ANTXR2: variants seen among roughly 807,000 people sequenced by gnomAD.
ANTXR2 encodes the protein ANTXR cell adhesion molecule 2.
A neutral mutation model predicts 73.7 loss-of-function variants in ANTXR2; 44 were observed. The ratio of observed to expected loss-of-function variants is 0.60; its 90% CI spans 0.47 to 0.77. The LOEUF is 0.77. ANTXR2 is among the 30% of genes least tolerant of loss of function. ANTXR2 has a pLI of 0.00. For synonymous variants in ANTXR2, 217 were observed against 205.9 expected (o/e 1.05, Z -0.46); for missense variants, 604 against 592.5 (o/e 1.02, Z -0.20).
intron 3 of ANTXR2, among the ~76,000 whole-genome samples, chr4:80,068,649 A>G (rs1232164560): frequency 6.6e-6 from 1 of 152,090 alleles, no homozygotes; most frequent in African/African-American, 2.4e-5. Context: ...GCATGTGCCT[A>G]TAATCCCAGC....
chr4:80,040,975 T>C (rs777962414), intron 7 of ANTXR2, among the ~76,000 whole-genome samples: 2 of 152,132 alleles, frequency 1.3e-5, no homozygotes, highest in Non-Finnish European at 2.9e-5. Flanking sequence ...TAAGTACAAG[T>C]ATCAGTAGTC....
intron 12 of ANTXR2, among the ~76,000 whole-genome samples, chr4:79,985,103 C>T (rs1369891345): frequency 1.3e-5 from 2 of 151,912 alleles, no homozygotes; most frequent in African/African-American, 4.8e-5. Flanking sequence ...AATCCCAGCA[C>T]TTTGGGAAGC....
Position 79,977,653 on chromosome 4 carries a change from C to T in ANTXR2, c.1396G>A (p.Val466Ile), listed in dbSNP as rs1277873534. 4 of 1,581,928 alleles carry T rather than the reference C, an allele frequency of 2.5e-6. No individual in the cohort carries two copies. Among genetic ancestry groups the T allele is most frequent in the South Asian group, 1.2e-5 (1 of 86,138 alleles). The change falls in exon 16 of 17, where the codon GTT becomes ATT. Residue 466 changes from valine (V) to isoleucine (I), a missense_variant. Physicochemically the swap from Val to Ile is conservative, Grantham distance 29 (BLOSUM62 3). Transcript: ENST00000403729. ...CCTTCCTGAGGTCGCATCAAAGAAA[C>T]CCGGTCATACTGCCGCCTCAACAAA... is the stretch of plus-strand genomic sequence containing the variant. ...WALLRRQYDR[V>I]SLMRPQEGDE...
intron 12 of ANTXR2, among the ~76,000 whole-genome samples, chr4:79,999,115 C>T (rs1197942804): frequency 6.6e-6 from 1 of 151,990 alleles, no homozygotes; most frequent in East Asian, 1.9e-4. Context: ...TCTTCTATGG[C>T]AGGAGTTTTT....
chr4:79,907,708 G>A (rs937167917), intron 16 of ANTXR2, among the ~76,000 whole-genome samples: 7 of 151,902 alleles, frequency 4.6e-5, no homozygotes, highest in Admixed American at 2.0e-4. Flanking sequence ...AACAATTATG[G>A]AAATAGAATG....
chr4:79,948,465 A>T (rs1305663753), intron 16 of ANTXR2, among the ~76,000 whole-genome samples: 4 of 152,336 alleles, frequency 2.6e-5, no homozygotes, highest in Middle Eastern at 3.4e-3. Flanking sequence ...TAAGATACAC[A>T]GAAATTCAGA....
chr4:80,021,945 G>A (rs1184933408), intron 10 of ANTXR2, among the ~76,000 whole-genome samples: 1 of 152,080 alleles, frequency 6.6e-6, no homozygotes, highest in East Asian at 1.9e-4. Flanking sequence ...TTCTTACTAA[G>A]AACCAGACAC....
chr4:79,975,508 C>A (rs1298357410), intron 16 of ANTXR2, among the ~76,000 whole-genome samples: 1 of 152,080 alleles, frequency 6.6e-6, no homozygotes, highest in African/African-American at 2.4e-5. Flanking sequence ...AAATATAAAG[C>A]ATTAGCAAGA....
At chr4:80,021,618 T>C (rs10857135) in intron 10 of ANTXR2, among the ~76,000 whole-genome samples, 73,042 of 151,962 alleles carry the variant, frequency 0.48, 20,157 homozygotes, top group East Asian at 0.93. Flanking sequence ...CTTTTAATGC[T>C]TAAAAAAATG....
At chr4:79,913,994 T>C (rs1274646341) in intron 16 of ANTXR2, among the ~76,000 whole-genome samples, 1 of 152,222 alleles carries the variant, frequency 6.6e-6, no homozygotes, top group African/African-American at 2.4e-5. Flanking sequence ...TCTGTATATA[T>C]AGACTTGATT....
intron 16 of ANTXR2, among the ~76,000 whole-genome samples, chr4:79,912,103 A>G (rs920608145): frequency 2.0e-5 from 3 of 151,998 alleles, no homozygotes; most frequent in African/African-American, 4.8e-5. Flanking sequence ...AATCATTGTT[A>G]AATTTATTAA....
chr4:79,910,994 A>G (rs1487573152), intron 16 of ANTXR2, among the ~76,000 whole-genome samples: 1 of 152,010 alleles, frequency 6.6e-6, no homozygotes, highest in Non-Finnish European at 1.5e-5. Flanking sequence ...AAAACAAGGC[A>G]ATGCATCCCG....
chr4:80,014,471 C>T (rs567166623), intron 11 of ANTXR2, among the ~76,000 whole-genome samples: 1 of 152,130 alleles, frequency 6.6e-6, no homozygotes, highest in South Asian at 2.1e-4. Context: ...GAAGCTGAGG[C>T]ATGAGAATTG....
At chr4:80,051,631 C>T (rs1444282493) in intron 7 of ANTXR2, among the ~76,000 whole-genome samples, 1 of 151,504 alleles carries the variant, frequency 6.6e-6, no homozygotes, top group East Asian at 1.9e-4. Context: ...TGCATTTTCC[C>T]CAAAATTAAA....
rs532631726 is a variant in ANTXR2 at position 79,915,325 on chromosome 4, G to A, written c.1429-7858C>T. ...TCACTGTCTCATTTTCACCATGGCC[G>A]GTAATAGCAGCATTAACCAGAGCAA... On this transcript the variant is annotated intron_variant, in intron 16 of 16. Transcript: ENST00000403729. Among the ~76,000 whole-genome samples the A allele has an allele frequency of 7.4e-4, 113 of 152,164 alleles. 1 individual carries two copies. Among genetic ancestry groups the A allele is most frequent in the Admixed American group, 1.1e-3 (17 of 15,270 alleles).
chr4:79,984,787 C>T, intron 13 of ANTXR2, 32 bp downstream of exon 13: 1 of 1,569,968 alleles, frequency 6.4e-7, no homozygotes, highest in East Asian at 2.3e-5. Flanking sequence ...AAAAAAAAAA[C>T]AGCCATATCA....
chr4:80,030,181 T>A (rs566521848), intron 10 of ANTXR2, among the ~76,000 whole-genome samples: 31 of 152,114 alleles, frequency 2.0e-4, no homozygotes, highest in Admixed American at 9.2e-4. Context: ...GAGCTAAGAT[T>A]TGTTGATAGA....
chr4:79,987,626 A>C (rs2110025175), intron 12 of ANTXR2, among the ~76,000 whole-genome samples: 1 of 152,292 alleles, frequency 6.6e-6, no homozygotes, highest in South Asian at 2.1e-4. Context: ...AAATTCAGAG[A>C]ATCTTTAAAA....
rs1553925963 is a variant in ANTXR2 at position 79,926,945 on chromosome 4, G to GTATATATACACATGTGCATGTATGTGTA, written c.1429-19479_1429-19478insTACACATACATGCACATGTGTATATATA. ...TATATATACACATGTGCATATATGT[G>GTATATATACACATGTGCATGTATGTGTA]TATATATACGTGTGCATATATGTGT... On this transcript the variant is annotated intron_variant, in intron 16 of 16. Transcript: ENST00000403729. 2.2e-3 allele frequency among the ~76,000 whole-genome samples: 116 copies of GTATATATACACATGTGCATGTATGTGTA among 52,702 alleles called. No homozygotes were observed. In the East Asian group the frequency reaches 0.12, roughly 57 times the overall value. 34.6% of individuals were successfully genotyped at this position (52,702 alleles called of 152,430 possible).
Sources: gnomAD v4.1 joint callset for allele counts (sites outside exome capture counted in the v4.1 genomes callset) on GRCh38, gnomAD v4.1.1 for gene constraint, MANE v1.5 for transcripts, NCBI Gene and HGNC (gene_info 2026-07-23, HGNC 2026-07-21) for gene names.